Variants in TMEM131 observed in about 807,000 individuals in gnomAD.
The protein encoded by TMEM131 is 2610524E03Rik.
A neutral mutation model predicts 211.6 loss-of-function variants in TMEM131; 66 were observed. The ratio of observed to expected loss-of-function variants is 0.31; its 90% confidence interval spans 0.26 to 0.38. TMEM131 has a LOEUF of 0.38. TMEM131 is among the 10% of genes least tolerant of loss of function. The pLI, the probability that TMEM131 is intolerant of heterozygous loss-of-function variation, is 1.00. For missense variants in TMEM131, 2,036 were observed against 2,299.3 expected, an observed-to-expected ratio of 0.89 and a Z score of 2.34; for synonymous variants, 844 against 841.3, an observed-to-expected ratio of 1.00 and a Z score of -0.06.
At chr2:97,976,386 C>G (rs1298558729) in intron 1 of TMEM131, among the ~76,000 whole-genome samples, 1 of 151,868 alleles carries the variant, frequency 6.6e-6, no homozygotes, top group African/African-American at 2.4e-5. Flanking sequence ...TAGCAATGAA[C>G]CAGAAATTGA....
intron 1 of TMEM131, among the ~76,000 whole-genome samples, chr2:97,970,159 T>C (rs1326507227): frequency 6.6e-6 from 1 of 152,190 alleles, no homozygotes; most frequent in Non-Finnish European, 1.5e-5. Context: ...GCATGGATAC[T>C]GAAACGGAAT....
At chr2:97,870,952 G>T (rs1418939729) in intron 4 of TMEM131, among the ~76,000 whole-genome samples, 1 of 152,042 alleles carries the variant, frequency 6.6e-6, no homozygotes, top group Non-Finnish European at 1.5e-5. Flanking sequence ...CCCTTTAGGG[G>T]GCCTATTTGA....
Position 97,796,886 on chromosome 2 carries a change from G to T in TMEM131, c.2971C>A (p.Arg991Ser). Reference sequence around the variant, plus strand: ...AACAATGCTTCCGTGATTTTAAAGCGTAAGGAGCTTCCTGGACCTGGAAGC... The same window carrying T: ...AACAATGCTTCCGTGATTTTAAAGCTTAAGGAGCTTCCTGGACCTGGAAGC... ...GKLPGPGSSL[R>S]FKITEALLKD... The change falls in exon 27 of 41, where the codon CGC (arginine) becomes AGC (serine). Residue 991 changes from arginine to serine, a missense_variant. Around this residue, in one of 3 missense-constraint regions of TMEM131, gnomAD observed 1,623 missense variants for 1,805.9 expected, o/e 0.90. Coordinates refer to ENST00000186436, the MANE Select transcript of TMEM131 (RefSeq NM_015348.2). 3.1e-6 allele frequency: 5 copies of T among 1,613,930 alleles called. No homozygotes were observed. The highest frequency in any genetic ancestry group is 4.2e-6 in the Non-Finnish European group (5 of 1,179,844).
At chr2:97,784,153 T>A (rs1680141096) in intron 31 of TMEM131, among the ~76,000 whole-genome samples, 1 of 151,966 alleles carries the variant, frequency 6.6e-6, no homozygotes, top group South Asian at 2.1e-4. Flanking sequence ...TCAACAACCT[T>A]CTCTCAACAG....
intron 33 of TMEM131, among the ~76,000 whole-genome samples, chr2:97,769,111 T>C (rs1679340920): frequency 6.7e-6 from 1 of 150,076 alleles, no homozygotes; most frequent in Non-Finnish European, 1.5e-5. Flanking sequence ...GCCTCCCTAG[T>C]AGTTGGGACT....
intron 4 of TMEM131, among the ~76,000 whole-genome samples, chr2:97,880,905 C>T (rs1036813579): frequency 6.6e-6 from 1 of 152,100 alleles, no homozygotes; most frequent in African/African-American, 2.4e-5. Flanking sequence ...AAAACATGGA[C>T]AATGGTTCAC....
chr2:97,763,476 TG>T (rs1678979663), intron 35 of TMEM131: 2 of 152,666 alleles, frequency 1.3e-5, no homozygotes, highest in Non-Finnish European at 2.9e-5. Flanking sequence ...GCTGGTTCTG[TG>T]GATCTGCTGA....
intron 2 of TMEM131, among the ~76,000 whole-genome samples, chr2:97,921,862 G>A (rs539494482): frequency 2.7e-4 from 41 of 152,282 alleles, no homozygotes; most frequent in African/African-American, 9.9e-4. Flanking sequence ...CAGATCATTA[G>A]CCATTCTCCA....
chr2:97,909,703 T>C (rs1309808595), intron 2 of TMEM131, among the ~76,000 whole-genome samples: 1 of 152,228 alleles, frequency 6.6e-6, no homozygotes, highest in African/African-American at 2.4e-5. Flanking sequence ...ATGTGGCAGA[T>C]GTAGAAAACT....
chr2:97,759,447 A>C (rs1678697138), intron 39 of TMEM131: 5 of 572,824 alleles, frequency 8.7e-6, no homozygotes. Flanking sequence ...GTGTGCGCAC[A>C]CCGTGTCGAG....
At chr2:97,859,906 T>C (rs185948190) in intron 4 of TMEM131, among the ~76,000 whole-genome samples, 1 of 152,288 alleles carries the variant, frequency 6.6e-6, no homozygotes, top group East Asian at 1.9e-4. Flanking sequence ...CACAGAAAAG[T>C]TAATTAACTT....
At chr2:97,770,855 T>C (rs564314942) in intron 33 of TMEM131, among the ~76,000 whole-genome samples, 3 of 152,182 alleles carry the variant, frequency 2.0e-5, no homozygotes, top group Non-Finnish European at 2.9e-5. Context: ...CCTCACAAGA[T>C]TTCTGCAAAT....
chr2:97,856,142 T>G (rs1381821290), intron 5 of TMEM131, among the ~76,000 whole-genome samples: 1 of 152,204 alleles, frequency 6.6e-6, no homozygotes, highest in African/African-American at 2.4e-5. Context: ...ACAATTGGAC[T>G]TGTATAGAAT....
At chr2:97,861,538 G>A (rs1674067966) in intron 4 of TMEM131, among the ~76,000 whole-genome samples, 1 of 151,936 alleles carries the variant, frequency 6.6e-6, no homozygotes, top group Non-Finnish European at 1.5e-5. Flanking sequence ...CAAGCTGACT[G>A]AAGAGCCCTT....
chr2:97,759,471 C>T, intron 39 of TMEM131, 181 bp downstream of exon 39: 2 of 595,670 alleles, frequency 3.4e-6, no homozygotes, highest in South Asian at 4.1e-5. Flanking sequence ...GGTCCACTGC[C>T]CCTCTGGGCT....
Position 97,902,305 on chromosome 2 carries a change from C to T in TMEM131, c.290+6353G>A, listed in dbSNP as rs936350270. ...AAACATGAACTCTAAACACCGTACTCTTTTTTTATGGCTGTAACAGTTAAC... is the reference window on the plus strand; with the variant it reads ...AAACATGAACTCTAAACACCGTACTTTTTTTTTATGGCTGTAACAGTTAAC... On this transcript the variant is annotated intron_variant, in intron 3 of 40. Coordinates refer to ENST00000186436, the MANE Select transcript of TMEM131 (RefSeq NM_015348.2). Among the ~76,000 whole-genome samples, 9 of 152,100 alleles carry T rather than the reference C, an allele frequency of 5.9e-5. 1 individual carries two copies. The highest frequency in any genetic ancestry group is 4.6e-4 in the Admixed American group (7 of 15,260).
chr2:97,837,834 T>C (rs1419666796), intron 7 of TMEM131, among the ~76,000 whole-genome samples: 1 of 152,182 alleles, frequency 6.6e-6, no homozygotes. Flanking sequence ...ATTAAATATA[T>C]CCATTATCCC....
chr2:97,938,235 A>T (rs1212812281), intron 1 of TMEM131, among the ~76,000 whole-genome samples: 1 of 152,216 alleles, frequency 6.6e-6, no homozygotes, highest in African/African-American at 2.4e-5. Context: ...CAGACTGGCA[A>T]ATTGGATAAA....
chr2:97,965,002 T>C (rs1480847952), intron 1 of TMEM131, among the ~76,000 whole-genome samples: 1 of 152,212 alleles, frequency 6.6e-6, no homozygotes, highest in Admixed American at 6.5e-5. Context: ...GGGCGGCCTC[T>C]GAGGAGAAAA....
Sources: gnomAD v4.1 joint callset for allele counts (sites outside exome capture counted in the v4.1 genomes callset) on GRCh38, gnomAD v4.1.1 for gene constraint, gnomAD v4.1.1 regional missense constraint, MANE v1.5 for transcripts, NCBI Gene and HGNC (gene_info 2026-07-23, HGNC 2026-07-21) for gene names.